RPH3A: variants seen among roughly 807,000 people sequenced by gnomAD.
The protein encoded by RPH3A is rabphilin-3A.
RPH3A carries 48 observed loss-of-function variants against 102.2 expected under a neutral mutation model. The observed-to-expected ratio is 0.47, with a 90% confidence interval of 0.37 to 0.60. The LOEUF (loss-of-function observed/expected upper bound fraction) is 0.60. RPH3A is among the 20% of genes least tolerant of loss of function. The pLI is 0.00. For synonymous variants in RPH3A, 310 were observed against 324.3 expected (o/e 0.96, Z 0.47); for missense variants, 781 against 910.1 (o/e 0.86, Z 1.83).
At chr12:112,610,141 C>T (rs1306424731) in intron 1 of RPH3A, among the ~76,000 whole-genome samples, 4 of 152,206 alleles carry the variant, frequency 2.6e-5, no homozygotes, top group Non-Finnish European at 5.9e-5. Context: ...TCCACCTCTG[C>T]ATTTGCTGTT....
In RPH3A at chr12:112,887,850, C is replaced by A. The variant is rs757379407; in HGVS notation, c.1490C>A (p.Thr497Asn). The change falls in exon 17 of 22, where the codon ACC (threonine) becomes AAC (asparagine). Residue 497 changes from threonine (T) to asparagine (N), a missense_variant. Transcript: ENST00000389385. The stretch of plus-strand genomic sequence containing the variant: ...GGCCACAATGAATTTATTGGTGAGA[C>A]CAGATTCTCCCTCAAGAAACTGAAG... ...KFGHNEFIGETRFSLKKLKPN... is the reference protein window; with the variant it reads ...KFGHNEFIGENRFSLKKLKPN... 1 of 1,613,890 alleles carries A rather than the reference C, an allele frequency of 6.2e-7. No individual in the cohort carries two copies. The highest frequency in any genetic ancestry group is 1.1e-5 in the South Asian group (1 of 91,066).
At chr12:112,831,200 C>G (rs1439598835) in intron 3 of RPH3A, among the ~76,000 whole-genome samples, 1 of 151,288 alleles carries the variant, frequency 6.6e-6, no homozygotes, top group Admixed American at 6.6e-5. Flanking sequence ...TTTCTACTCT[C>G]TTGTTTTTGT....
intron 1 of RPH3A, among the ~76,000 whole-genome samples, chr12:112,584,571 A>T (rs67116570): frequency 6.6e-6 from 1 of 152,120 alleles, no homozygotes; most frequent in African/African-American, 2.4e-5. Context: ...GGGGCACCTC[A>T]GGCGTCATTC....
At chr12:112,663,058 T>G (rs1284210204) in intron 1 of RPH3A, among the ~76,000 whole-genome samples, 1 of 28,966 alleles carries the variant, frequency 3.5e-5, no homozygotes, top group African/African-American at 2.7e-4. Flanking sequence ...GCTAAGTGAT[T>G]GGTGTGTGTG....
intron 1 of RPH3A, among the ~76,000 whole-genome samples, chr12:112,707,311 A>G (rs920661600): frequency 6.6e-6 from 1 of 152,202 alleles, no homozygotes; most frequent in South Asian, 2.1e-4. Flanking sequence ...CTCCTCGACC[A>G]TCACCATCCA....
chr12:112,721,427 C>T (rs2040549664), intron 1 of RPH3A, among the ~76,000 whole-genome samples: 1 of 152,136 alleles, frequency 6.6e-6, no homozygotes, highest in Non-Finnish European at 1.5e-5. Context: ...ACAGCATTTA[C>T]TCAGGATAGC....
chr12:112,609,057 G>A (rs1285524409), intron 1 of RPH3A, among the ~76,000 whole-genome samples: 1 of 152,126 alleles, frequency 6.6e-6, no homozygotes, highest in African/African-American at 2.4e-5. Flanking sequence ...CTCATTGGAC[G>A]ATGCCAGATC....
In RPH3A at chr12:112,677,300, T is replaced by C. The variant is rs992617038; in HGVS notation, c.-140+101981T>C. Among the ~76,000 whole-genome samples, 3 of 150,202 alleles carry C rather than the reference T, an allele frequency of 2.0e-5. No individual in the cohort carries two copies. The South Asian group carries it at 6.3e-4, about 32-fold the overall frequency. On this transcript the variant is annotated intron_variant, in intron 1 of 21. Coordinates refer to the RPH3A transcript ENST00000543106. The stretch of plus-strand genomic sequence containing the variant: ...GGACCCAGTGTCAAGAGCTTGAGCT[T>C]TCGCAGCACATAGGTGTGGAGCCTG...
At chr12:112,615,038 A>T (rs1385844829) in intron 1 of RPH3A, among the ~76,000 whole-genome samples, 2 of 152,172 alleles carry the variant, frequency 1.3e-5, no homozygotes, top group African/African-American at 4.8e-5. Context: ...TGTTGAACTC[A>T]TCCACATCCT....
chr12:112,863,981 C>G (rs943838986), intron 5 of RPH3A, among the ~76,000 whole-genome samples: 1 of 152,192 alleles, frequency 6.6e-6, no homozygotes, highest in East Asian at 1.9e-4. Flanking sequence ...TGCCTGGCCC[C>G]GGGGAACTCA....
intron 1 of RPH3A, among the ~76,000 whole-genome samples, chr12:112,784,064 G>T (rs1440868412): frequency 6.6e-6 from 1 of 152,104 alleles, no homozygotes; most frequent in Non-Finnish European, 1.5e-5. Flanking sequence ...ACTGCCTGGG[G>T]TCACTCCTTT....
At chr12:112,697,887 C>T (rs1266791244) in intron 1 of RPH3A, among the ~76,000 whole-genome samples, 1 of 151,098 alleles carries the variant, frequency 6.6e-6, no homozygotes, top group Non-Finnish European at 1.5e-5. Flanking sequence ...TCCAAACAGA[C>T]TTTTTTTTTC....
intron 1 of RPH3A, among the ~76,000 whole-genome samples, chr12:112,620,827 T>C (rs1042461993): frequency 5.3e-5 from 8 of 152,098 alleles, no homozygotes; most frequent in Admixed American, 5.2e-4. Context: ...CCTTCTTTCC[T>C]ACTCCACATC....
intron 19 of RPH3A, 99 bp from the exon 20 acceptor site, chr12:112,894,479 T>A (rs1220284847): frequency 1.0e-6 from 1 of 1,003,178 alleles, no homozygotes; most frequent in African/African-American, 1.6e-5. Context: ...TTCTGATTTA[T>A]TCATCAATTC....
chr12:112,602,724 AG>A (rs2039568262), intron 1 of RPH3A, among the ~76,000 whole-genome samples: 1 of 152,042 alleles, frequency 6.6e-6, no homozygotes, highest in East Asian at 1.9e-4. Flanking sequence ...AGAAATTTCG[AG>A]GCTGCAGTGA....
chr12:112,829,280 T>A (rs917307297), intron 3 of RPH3A, among the ~76,000 whole-genome samples: 18 of 151,190 alleles, frequency 1.2e-4, no homozygotes, highest in South Asian at 2.1e-4. Context: ...TTTTTTTTTC[T>A]TTTTTTTTCT....
chr12:112,814,036 G>T (rs2041628306), intron 2 of RPH3A, among the ~76,000 whole-genome samples: 1 of 149,492 alleles, frequency 6.7e-6, no homozygotes. Flanking sequence ...GTGGGAGTGG[G>T]GTGTGTGTGT....
At chr12:112,593,135 A>G (rs1165137489) in intron 1 of RPH3A, among the ~76,000 whole-genome samples, 1 of 152,098 alleles carries the variant, frequency 6.6e-6, no homozygotes, top group Admixed American at 6.5e-5. Context: ...AAGAAGAGAC[A>G]CCAGAGAGCT....
At chr12:112,652,537 G>C (rs1275430681) in intron 1 of RPH3A, among the ~76,000 whole-genome samples, 2 of 152,154 alleles carry the variant, frequency 1.3e-5, no homozygotes, top group African/African-American at 4.8e-5. Flanking sequence ...GGCCAGTGTG[G>C]ATGAGGACTG....
Sources: gnomAD v4.1 joint callset for allele counts (sites outside exome capture counted in the v4.1 genomes callset) on GRCh38, gnomAD v4.1.1 for gene constraint, MANE v1.5 for transcripts, NCBI Gene and HGNC (gene_info 2026-07-23, HGNC 2026-07-21) for gene names.